STK3: variants seen among roughly 807,000 people sequenced by gnomAD.
The protein encoded by STK3 is serine/threonine kinase 3.
In STK3, 41 loss-of-function variants were observed where a neutral mutation model predicts 58.0. The observed-to-expected ratio is 0.71, with a 90% confidence interval of 0.55 to 0.92. The LOEUF (loss-of-function observed/expected upper bound fraction) is 0.92, where lower values mean the gene tolerates loss of function less well. Among genes scored for constraint, STK3 ranks in the 40% least tolerant of loss-of-function variants. The pLI is 0.00. For synonymous variants in STK3, 170 were observed against 191.0 expected, an observed-to-expected ratio of 0.89 and a Z score of 0.91; for missense variants, 479 against 602.7, an observed-to-expected ratio of 0.79 and a Z score of 2.15.
Position 98,417,710 on chromosome 8 carries a change from C to T in STK3, n.484-16197G>A, listed in dbSNP as rs575203030. On this transcript the variant is annotated intron_variant and non_coding_transcript_variant, in intron 3 of 3. Transcript: ENST00000517832. ...TGTGATGATTAACCTAGTTACTAGA[C>T]GTTAATCCTTATAACAGTGCCTGGC... is the stretch of plus-strand genomic sequence containing the variant. 7.9e-5 allele frequency among the ~76,000 whole-genome samples: 12 copies of T among 152,126 alleles called. No homozygotes were observed. In the South Asian group the frequency reaches 1.5e-3, roughly 18 times the overall value.
chr8:98,579,578 C>T, intron 8 of STK3, 86 bp downstream of exon 8: 1 of 1,447,098 alleles, frequency 6.9e-7, no homozygotes, highest in South Asian at 1.3e-5. Flanking sequence ...TATAGTAAAA[C>T]AGTAAGTGCT....
intron 4 of STK3, among the ~76,000 whole-genome samples, chr8:98,743,246 G>GA (rs201099118): frequency 0.019 from 2,531 of 135,670 alleles, 22 homozygotes; most frequent in Middle Eastern, 0.05. Flanking sequence ...AGTTCATATG[G>GA]AAAAAAAAAA....
In STK3 at chr8:98,588,228, G is replaced by T. The variant is rs536393456; in HGVS notation, c.822+7804C>A. Among the ~76,000 whole-genome samples, 11 of 152,112 alleles carry T rather than the reference G, an allele frequency of 7.2e-5. No homozygotes were observed. The South Asian group carries it at 1.2e-3, about 17-fold the overall frequency. ...TTACACTTTGGCATGATTTTGCAGCGGCTGGTGCCGGTTGTTCCTTTCCAT... is the reference window on the plus strand; with the variant it reads ...TTACACTTTGGCATGATTTTGCAGCTGCTGGTGCCGGTTGTTCCTTTCCAT... On this transcript the variant is annotated intron_variant, in intron 7 of 10. Coordinates refer to ENST00000419617, the MANE Select transcript of STK3 (RefSeq NM_006281.4).
intron 3 of STK3, among the ~76,000 whole-genome samples, chr8:98,855,320 C>A (rs570425844): frequency 2.2e-4 from 34 of 152,202 alleles, no homozygotes; most frequent in Non-Finnish European, 4.7e-4. Flanking sequence ...GGCACAAGGA[C>A]AGACATATGG....
chr8:98,834,513 T>C (rs1835677503), intron 3 of STK3, among the ~76,000 whole-genome samples: 1 of 152,206 alleles, frequency 6.6e-6, no homozygotes, highest in Non-Finnish European at 1.5e-5. Context: ...AATACATGTT[T>C]GTTGGATAAA....
chr8:98,834,489 C>T (rs556404939), intron 3 of STK3, among the ~76,000 whole-genome samples: 8 of 152,250 alleles, frequency 5.3e-5, no homozygotes, highest in East Asian at 3.9e-4. Flanking sequence ...GTACTCAGAA[C>T]GTTATAATCA....
chr8:98,705,675 A>T (rs1322905878), intron 6 of STK3, among the ~76,000 whole-genome samples: 1 of 152,140 alleles, frequency 6.6e-6, no homozygotes, highest in Non-Finnish European at 1.5e-5. Flanking sequence ...AAATACACAC[A>T]TACATACACT....
At position 98,914,115 on chromosome 8, in the gene STK3, C is replaced by T. The variant is rs548191376; in HGVS notation, c.-79+28263G>A. The stretch of plus-strand genomic sequence containing the variant: ...GCAATATGTCCATGTAACACATCTG[C>T]ACTTGTACTCCCTAAATCTATAAAG... On this transcript the variant is annotated intron_variant, in intron 1 of 1. Transcript: ENST00000519420. Among the ~76,000 whole-genome samples, 49 of 151,666 alleles carry T rather than the reference C, an allele frequency of 3.2e-4. 1 individual carries two copies. In the Middle Eastern group the frequency reaches 0.031, roughly 95 times the overall value.
At chr8:98,568,036 C>A (rs182623203) in intron 8 of STK3, among the ~76,000 whole-genome samples, 1 of 151,444 alleles carries the variant, frequency 6.6e-6, no homozygotes, top group East Asian at 1.9e-4. Context: ...CCAGCCTGAG[C>A]AGCAGAGTGA....
At chr8:98,876,333 A>G (rs1837559013) in intron 3 of STK3, among the ~76,000 whole-genome samples, 1 of 152,180 alleles carries the variant, frequency 6.6e-6, no homozygotes, top group South Asian at 2.1e-4. Flanking sequence ...GAAAAATTCT[A>G]CTTATTGTTT....
At chr8:98,773,295 G>GC (rs1563985218) in intron 2 of STK3, among the ~76,000 whole-genome samples, 1 of 152,028 alleles carries the variant, frequency 6.6e-6, no homozygotes, top group African/African-American at 2.4e-5. Context: ...CATAAATTTA[G>GC]CTGCCATGTT....
At chr8:98,589,745 G>A (rs1404145774) in intron 7 of STK3, among the ~76,000 whole-genome samples, 2 of 152,226 alleles carry the variant, frequency 1.3e-5, no homozygotes, top group East Asian at 1.9e-4. Context: ...CTAGCAATCA[G>A]CGAGACTCCG....
chr8:98,868,405 C>T (rs1336298132), intron 3 of STK3, among the ~76,000 whole-genome samples: 2 of 152,286 alleles, frequency 1.3e-5, no homozygotes, highest in Non-Finnish European at 2.9e-5. Context: ...GTTAAACCCT[C>T]AGTGCATGTT....
chr8:98,840,567 G>A (rs1392961297), intron 3 of STK3, among the ~76,000 whole-genome samples: 2 of 112,860 alleles, frequency 1.8e-5, no homozygotes, highest in African/African-American at 3.5e-5. Flanking sequence ...GTGACAACCT[G>A]TCTCAAGAAA....
At chr8:98,775,696 T>C (rs1188988784) in intron 1 of STK3, among the ~76,000 whole-genome samples, 2 of 152,180 alleles carry the variant, frequency 1.3e-5, no homozygotes, top group Admixed American at 6.6e-5. Context: ...ATGACCACCA[T>C]ATACAACCTG....
At chr8:98,807,862 T>C (rs1833984090) in intron 1 of STK3, among the ~76,000 whole-genome samples, 1 of 152,214 alleles carries the variant, frequency 6.6e-6, no homozygotes, top group Non-Finnish European at 1.5e-5. Flanking sequence ...TGAGGAATGT[T>C]AAGAACAGAG....
At chr8:98,399,866 G>T (rs774516911), downstream of STK3, among the ~76,000 whole-genome samples, 2 of 152,194 alleles carry the variant, frequency 1.3e-5, no homozygotes, top group Non-Finnish European at 2.9e-5. Context: ...AGATGACCAC[G>T]TGCTTCGGGA....
intron 4 of STK3, chr8:98,723,078 A>T: frequency 3.8e-6 from 1 of 265,980 alleles, no homozygotes; most frequent in Non-Finnish European, 7.5e-6. Context: ...TCAATACATT[A>T]CAGATTTCAT....
chr8:98,464,088 A>T (rs189353057), intron 10 of STK3, among the ~76,000 whole-genome samples: 129 of 152,214 alleles, frequency 8.5e-4, no homozygotes, highest in African/African-American at 3.0e-3. Context: ...GCCTTTGATT[A>T]AAAAAATATG....
Sources: gnomAD v4.1 joint callset for allele counts (sites outside exome capture counted in the v4.1 genomes callset) on GRCh38, gnomAD v4.1.1 for gene constraint, MANE v1.5 for transcripts, NCBI Gene and HGNC (gene_info 2026-07-23, HGNC 2026-07-21) for gene names.